CDK12: variants seen among roughly 807,000 people sequenced by gnomAD.
The protein encoded by CDK12 is cyclin dependent kinase 12, also known as cyclin-dependent kinase 12.
CDK12 carries 17 observed loss-of-function variants against 133.8 expected under a neutral mutation model. The observed-to-expected ratio is 0.13, with a 90% CI of 0.09 to 0.19. The LOEUF (loss-of-function observed/expected upper bound fraction) is 0.19, where lower values mean the gene tolerates loss of function less well. Among genes scored for constraint, CDK12 ranks in the 10% least tolerant of loss-of-function variants. The pLI is 1.00. For missense variants in CDK12, 1,508 were observed against 1,818.7 expected (o/e 0.83, Z 3.11); for synonymous variants, 694 against 683.6 (o/e 1.02, Z -0.24).
At chr17:39,493,839 AG>A (rs2051845522) in intron 4 of CDK12, among the ~76,000 whole-genome samples, 1 of 151,868 alleles carries the variant, frequency 6.6e-6, no homozygotes, top group Non-Finnish European at 1.5e-5. Flanking sequence ...TACTAAAAAT[AG>A]AAAAAATTAG....
At chr17:39,526,576 C>T (rs2054512126) in intron 13 of CDK12, among the ~76,000 whole-genome samples, 1 of 152,166 alleles carries the variant, frequency 6.6e-6, no homozygotes, top group South Asian at 2.1e-4. Context: ...CCCCTGTGTT[C>T]TAACCAAGGA....
chr17:39,487,577 C>G (rs1218138212), intron 2 of CDK12, among the ~76,000 whole-genome samples: 4 of 110,812 alleles, frequency 3.6e-5, no homozygotes, highest in African/African-American at 1.3e-4. Flanking sequence ...CTATAGATGT[C>G]TTATTTTTTC....
intron 5 of CDK12, among the ~76,000 whole-genome samples, chr17:39,497,519 GGC>G (rs2052224010): frequency 6.6e-6 from 1 of 151,236 alleles, no homozygotes; most frequent in Non-Finnish European, 1.5e-5. Context: ...CTTTAGCCTG[GGC>G]AACAGAGCAA....
chr17:39,466,631 A>G (rs2049336598), intron 1 of CDK12, among the ~76,000 whole-genome samples: 1 of 107,126 alleles, frequency 9.3e-6, no homozygotes, highest in Non-Finnish European at 1.9e-5. Flanking sequence ...AAAAAAAAAA[A>G]AAAAAAAAAA....
chr17:39,530,192 T>A (rs1009230724), intron 13 of CDK12: 1 of 164,474 alleles, frequency 6.1e-6, no homozygotes, highest in Non-Finnish European at 1.3e-5. Flanking sequence ...AGAGCAAGAT[T>A]ATGTCCTAGA....
chr17:39,558,833 G>A (rs996190351), intron 3 of CDK12, among the ~76,000 whole-genome samples: 3 of 152,048 alleles, frequency 2.0e-5, no homozygotes, highest in African/African-American at 4.8e-5. Context: ...TAGTAGAGAC[G>A]GGGTTTCATC....
chr17:39,566,010 T>A (rs909677923), downstream of CDK12, among the ~76,000 whole-genome samples: 3 of 152,170 alleles, frequency 2.0e-5, no homozygotes, highest in East Asian at 1.9e-4. Context: ...TTGGATTTAG[T>A]CACTTCTCCT....
chr17:39,530,991 T>G lies in CDK12; in HGVS notation c.4148T>G (p.Leu1383Arg), dbSNP rs557957020. 2 of 1,614,202 alleles carry G rather than the reference T, an allele frequency of 1.2e-6. No homozygotes were observed. The highest frequency in any genetic ancestry group is 1.1e-5 in the South Asian group (1 of 91,088). ...ACCTTCTCAGGCTCTCTGAGCCACC[T>G]TGGGGAGTCCAGCAGTTACCAGGGC... ...NRTFSGSLSH[L>R]GESSSYQGTG... Residue 1383 changes from leucine (L) to arginine (R), a missense_variant, in exon 14 of 14, where the codon CTT (leucine) becomes CGT (arginine). Physicochemically the swap from Leu to Arg is moderately radical, Grantham distance 102. Transcript: ENST00000447079.
chr17:39,541,161 A>T (rs113696526), intron 1 of CDK12, among the ~76,000 whole-genome samples: 1,593 of 142,060 alleles, frequency 0.011, 27 homozygotes, highest in African/African-American at 0.038. Flanking sequence ...ATCTACACAC[A>T]GTTGAGTTGG....
rs765325046 is a variant in CDK12, at chr17:39,489,079, AT to A, written c.1932-1460del. The stretch of plus-strand genomic sequence containing the variant: ...GGAATTACACCACCACACCCAGTTA[AT>A]TTTTTTTTTTTTTTTTTCGAGATGG... On this transcript the variant is annotated intron_variant, in intron 2 of 13. Transcript: ENST00000447079. Among the ~76,000 whole-genome samples, 295 of 119,868 alleles carry A rather than the reference AT, an allele frequency of 2.5e-3. 1 individual carries two copies. The highest frequency in any genetic ancestry group is 5.1e-3 in the Admixed American group (60 of 11,826). 78.6% of individuals were successfully genotyped at this position (119,868 alleles called of 152,430 possible).
chr17:39,473,261 G>C (rs1400472521), intron 2 of CDK12, among the ~76,000 whole-genome samples: 1 of 151,572 alleles, frequency 6.6e-6, no homozygotes, highest in Non-Finnish European at 1.5e-5. Flanking sequence ...TTTTGAAAAG[G>C]GCTGCTTTAA....
chr17:39,539,504 T>C (rs980077650), downstream of CDK12, among the ~76,000 whole-genome samples: 2 of 152,230 alleles, frequency 1.3e-5, no homozygotes, highest in African/African-American at 4.8e-5. Flanking sequence ...TTTGATATAA[T>C]ATCCCAATAG....
chr17:39,524,931 G>A, intron 12 of CDK12, 46 bp downstream of exon 12: 2 of 1,541,114 alleles, frequency 1.3e-6, no homozygotes, highest in Non-Finnish European at 1.8e-6. Context: ...AGCGTATTTG[G>A]CAGGTTTTGA....
At chr17:39,506,285 G>A (rs1343623437) in intron 6 of CDK12, among the ~76,000 whole-genome samples, 10 of 142,450 alleles carry the variant, frequency 7.0e-5, no homozygotes, top group Admixed American at 5.9e-4. Context: ...GCGCTATCTC[G>A]GCTCACTGCA....
At chr17:39,561,466 C>T (rs1481892780) in intron 3 of CDK12, among the ~76,000 whole-genome samples, 2 of 152,112 alleles carry the variant, frequency 1.3e-5, no homozygotes. Flanking sequence ...ACTTTACCAC[C>T]GTTCTTCATG....
At chr17:39,500,732 CTT>C (rs59002312) in intron 5 of CDK12, among the ~76,000 whole-genome samples, 22 of 147,776 alleles carry the variant, frequency 1.5e-4, no homozygotes, top group Non-Finnish European at 1.9e-4. Flanking sequence ...AGATTAATTC[CTT>C]TTTTTTTTTT....
At chr17:39,515,474 A>G (rs2146460208) in intron 8 of CDK12, among the ~76,000 whole-genome samples, 2 of 152,268 alleles carry the variant, frequency 1.3e-5, no homozygotes, top group South Asian at 4.1e-4. Flanking sequence ...ATGATAGAAA[A>G]AGACTCTTGA....
chr17:39,481,658 C>T (rs1266647708), intron 2 of CDK12, among the ~76,000 whole-genome samples: 4 of 11,030 alleles, frequency 3.6e-4, no homozygotes, highest in African/African-American at 5.1e-4. Flanking sequence ...CTCTCTCTCT[C>T]TCTCTCTCTC....
At chr17:39,558,150 A>G (rs2056232166) in intron 3 of CDK12, among the ~76,000 whole-genome samples, 1 of 152,040 alleles carries the variant, frequency 6.6e-6, no homozygotes, top group African/African-American at 2.4e-5. Flanking sequence ...ATGCTGGGGG[A>G]GAATGTAGTT....
Sources: allele counts gnomAD v4.1 joint callset (sites outside exome capture counted in the v4.1 genomes callset), GRCh38; gene constraint gnomAD v4.1.1; transcripts MANE v1.5; gene names NCBI Gene and HGNC (gene_info 2026-07-23, HGNC 2026-07-21).